The following CADPS2 variants were observed in gnomAD, a reference collection of about 807,000 sequenced individuals.
The protein encoded by CADPS2 is calcium-dependent secretion activator 2.
CADPS2 carries 93 observed loss-of-function variants against 172.5 expected under a neutral mutation model. The observed-to-expected ratio is 0.54, with a 90% CI of 0.46 to 0.64. The LOEUF (loss-of-function observed/expected upper bound fraction) is 0.64. Ranked by LOEUF, CADPS2 falls within the 30% of genes least tolerant of loss-of-function variation. CADPS2 has a pLI of 0.00. For synonymous variants in CADPS2, 546 were observed against 555.2 expected (o/e 0.98, Z 0.23); for missense variants, 1,420 against 1,565.9 (o/e 0.91, Z 1.57).
Position 122,416,119 on chromosome 7 carries a change from A to T in CADPS2, c.2522T>A (p.Leu841His). The part of the protein sequence containing the change: ...ASPARKLEEI[L>H]HLAELCIEVL... The stretch of plus-strand genomic sequence containing the variant: ...TTCTATGCAGAGCTCTGCCAGATGA[A>T]GAATCTCTTCCAGCTTTCTAGCAGG... The change falls in exon 18 of 30, where the codon CTT becomes CAT. Residue 841 changes from leucine to histidine, a missense_variant. Coordinates refer to ENST00000449022, the MANE Select transcript of CADPS2 (RefSeq NM_017954.11). The T allele has an allele frequency of 6.4e-7, 1 of 1,555,020 alleles. No individual in the cohort carries two copies.
At chr7:122,704,553 G>A (rs1212407160) in intron 2 of CADPS2, among the ~76,000 whole-genome samples, 1 of 152,042 alleles carries the variant, frequency 6.6e-6, no homozygotes, top group Non-Finnish European at 1.5e-5. Context: ...TGTGGGTGAA[G>A]TGTTTAACCT....
chr7:122,552,112 C>G (rs1270317722), intron 8 of CADPS2, among the ~76,000 whole-genome samples: 11 of 152,100 alleles, frequency 7.2e-5, no homozygotes, highest in African/African-American at 1.4e-4. Flanking sequence ...CCATAGGGAG[C>G]AATTACTATT....
chr7:122,535,855 C>A (rs761155752), intron 8 of CADPS2, among the ~76,000 whole-genome samples: 3 of 152,016 alleles, frequency 2.0e-5, no homozygotes, highest in Non-Finnish European at 4.4e-5. Flanking sequence ...CTTACTCTCA[C>A]GTTTTCCAAT....
chr7:122,482,157 T>C (rs978152179), intron 11 of CADPS2, among the ~76,000 whole-genome samples: 1 of 152,098 alleles, frequency 6.6e-6, no homozygotes, highest in Non-Finnish European at 1.5e-5. Context: ...TTCCTTGCAC[T>C]CAGGATGTTA....
intron 8 of CADPS2, among the ~76,000 whole-genome samples, chr7:122,524,179 T>C (rs1479216629): frequency 2.6e-5 from 4 of 152,206 alleles, no homozygotes; most frequent in Non-Finnish European, 4.4e-5. Flanking sequence ...TGTCAAACCA[T>C]ATCATGTTGA....
intron 16 of CADPS2, 59 bp downstream of exon 16, chr7:122,441,453 C>G: frequency 8.5e-7 from 1 of 1,176,830 alleles, no homozygotes; most frequent in Non-Finnish European, 1.2e-6. Flanking sequence ...AGTTCAATAA[C>G]TAAAATACAC....
At chr7:122,419,337 C>T (rs1585839256) in intron 17 of CADPS2, among the ~76,000 whole-genome samples, 4 of 152,320 alleles carry the variant, frequency 2.6e-5, no homozygotes, top group Admixed American at 2.6e-4. Context: ...TCTGAGAACA[C>T]TTCTCAAATA....
At chr7:122,813,823 G>T (rs77360816) in intron 1 of CADPS2, among the ~76,000 whole-genome samples, 2,971 of 152,096 alleles carry the variant, frequency 0.02, 51 homozygotes, top group Non-Finnish European at 0.03. Context: ...AACCATATAT[G>T]TACTAACTTC....
At chr7:122,347,155 G>T (rs1216707691) in intron 27 of CADPS2, among the ~76,000 whole-genome samples, 1 of 152,068 alleles carries the variant, frequency 6.6e-6, no homozygotes. Flanking sequence ...AATACTATAA[G>T]AAAATTAGGT....
chr7:122,402,388 C>G (rs938811526), intron 20 of CADPS2, among the ~76,000 whole-genome samples: 1 of 152,190 alleles, frequency 6.6e-6, no homozygotes, highest in African/African-American at 2.4e-5. Flanking sequence ...CTGTCCTTAA[C>G]TCCCTGCTGT....
chr7:122,731,652 G>GA (rs1293821725), intron 2 of CADPS2, among the ~76,000 whole-genome samples: 244 of 137,638 alleles, frequency 1.8e-3, no homozygotes, highest in African/African-American at 5.5e-3. Flanking sequence ...GGTGCTTAAA[G>GA]AAAAAAAAAA....
At chr7:122,839,325 C>T (rs1214230166) in intron 1 of CADPS2, among the ~76,000 whole-genome samples, 1 of 152,058 alleles carries the variant, frequency 6.6e-6, no homozygotes, top group African/African-American at 2.4e-5. Flanking sequence ...CCATAAAAAC[C>T]CTAGAAGAAA....
At chr7:122,679,676 G>A (rs555122131) in intron 2 of CADPS2, among the ~76,000 whole-genome samples, 19 of 152,178 alleles carry the variant, frequency 1.2e-4, no homozygotes, top group African/African-American at 3.4e-4. Context: ...GGGGCATCAC[G>A]GAACCTGCCG....
At chr7:122,457,294 C>T (rs1259237880) in intron 14 of CADPS2, among the ~76,000 whole-genome samples, 1 of 152,182 alleles carries the variant, frequency 6.6e-6, no homozygotes, top group African/African-American at 2.4e-5. Flanking sequence ...TAGTGCTTTA[C>T]TTCCCTTGTT....
chr7:122,695,719 T>A lies in CADPS2; in HGVS notation c.454-32150A>T, dbSNP rs180696974. On this transcript the variant is annotated intron_variant, in intron 2 of 29. Transcript: ENST00000449022. ...AAATTCTCAGATCAAACAAGCACAC[T>A]GTGTTAAATGTTAAATGTCCACATT... 9.8e-5 allele frequency among the ~76,000 whole-genome samples: 15 copies of A among 152,326 alleles called. No homozygotes were observed. The East Asian group carries it at 2.7e-3, about 27-fold the overall frequency.
intron 1 of CADPS2, among the ~76,000 whole-genome samples, chr7:122,757,392 C>T (rs1347351033): frequency 6.6e-6 from 1 of 152,038 alleles, no homozygotes; most frequent in East Asian, 1.9e-4. Context: ...CAAGCAGTTG[C>T]CCACCTCAGC....
intron 2 of CADPS2, chr7:122,681,284 A>G (rs1035892152): frequency 4.5e-6 from 4 of 896,288 alleles, no homozygotes; most frequent in Non-Finnish European, 7.4e-6. Context: ...ATAATAATAA[A>G]AGAAAGAGCT....
At chr7:122,597,046 A>T (rs769306012) in intron 6 of CADPS2, among the ~76,000 whole-genome samples, 59 of 151,942 alleles carry the variant, frequency 3.9e-4, no homozygotes, top group Non-Finnish European at 8.1e-4. Flanking sequence ...GGCTCATTTT[A>T]ACAACCAGCT....
chr7:122,475,333 C>T (rs535633042), intron 12 of CADPS2, among the ~76,000 whole-genome samples: 2 of 152,130 alleles, frequency 1.3e-5, no homozygotes, highest in South Asian at 2.1e-4. Flanking sequence ...AGAAACGTAG[C>T]GCATACTGAG....
Sources: allele counts gnomAD v4.1 joint callset (sites outside exome capture counted in the v4.1 genomes callset), GRCh38; gene constraint gnomAD v4.1.1; transcripts MANE v1.5; gene names NCBI Gene and HGNC (gene_info 2026-07-23, HGNC 2026-07-21).